The following TTC14 variants were observed in gnomAD, a reference collection of about 807,000 sequenced individuals.
TTC14 encodes tetratricopeptide repeat protein 14.
TTC14 carries 63 observed loss-of-function variants against 79.9 expected under a neutral mutation model. That is an observed-to-expected ratio of 0.79 (90% CI 0.64 to 0.97). The LOEUF is 0.97. Ranked by LOEUF, TTC14 falls within the 50% of genes least tolerant of loss-of-function variation. TTC14 has a pLI of 0.00. For missense variants in TTC14, 895 were observed against 894.0 expected (o/e 1.00, Z -0.01); for synonymous variants, 335 against 309.6 (o/e 1.08, Z -0.86).
chr3:180,607,561 C>A, intron 9 of TTC14, 87 bp from the exon 10 acceptor site: 1 of 1,404,374 alleles, frequency 7.1e-7, no homozygotes, highest in Non-Finnish European at 9.3e-7. Flanking sequence ...CCCTAATAAG[C>A]TCTCTCATAT....
downstream of TTC14, among the ~76,000 whole-genome samples, chr3:180,611,792 G>A (rs988832547): frequency 3.3e-5 from 5 of 152,080 alleles, no homozygotes; most frequent in Non-Finnish European, 7.4e-5. Flanking sequence ...TAAGTGGGTG[G>A]GTAGCTGAGG....
In TTC14 at chr3:180,605,847, C is replaced by A; in HGVS notation, c.929+10C>A. The A allele has an allele frequency of 6.3e-7, 1 of 1,575,266 alleles. No individual in the cohort carries two copies. Among genetic ancestry groups the A allele is most frequent in the Non-Finnish European group, 8.6e-7 (1 of 1,169,568 alleles). On this transcript the variant is annotated intron_variant, in intron 7 of 11. Transcript: ENST00000296015. The stretch of plus-strand genomic sequence containing the variant: ...CTTGGGCTTTAAAATGGTATGAAGA[C>A]TGTCTTTCAACAATTGCATTATATC...
intron 3 of TTC14, 176 bp from the exon 4 acceptor site, chr3:180,604,049 A>C: frequency 1.6e-6 from 1 of 628,756 alleles, no homozygotes; most frequent in African/African-American, 1.8e-5. Flanking sequence ...CTGAACCAGC[A>C]AACATATTTT....
At chr3:180,614,852 G>T, downstream of TTC14, 1 of 1,382,232 alleles carries the variant, frequency 7.2e-7, no homozygotes, top group Non-Finnish European at 9.9e-7. Context: ...AAATGTGTTG[G>T]GTCGTTTTGT....
chr3:180,612,943 C>T (rs1717084593), downstream of TTC14, among the ~76,000 whole-genome samples: 1 of 151,948 alleles, frequency 6.6e-6, no homozygotes, highest in South Asian at 2.1e-4. Context: ...AGGTATTTTT[C>T]AAAAGAAGAG....
Position 180,610,757 on chromosome 3 carries a change from A to G in TTC14, c.*215A>G. 2.5e-6 allele frequency: 3 copies of G among 1,222,184 alleles called. No homozygotes were observed. In the South Asian group the frequency reaches 6.2e-5, roughly 25 times the overall value. The allele number at this position is 1,222,184 out of a possible 1,614,324, so 75.7% of individuals were successfully genotyped here. A position where few individuals can be genotyped will look rare whatever the true frequency, so the allele number is the denominator to read the frequency against. On this transcript the variant is annotated 3_prime_UTR_variant, in exon 12 of 12. Transcript: ENST00000296015. ...TTTTAGACTTTTTATGTATATGTTT[A>G]TGTACAGTATATTACTCTTGACAGT...
chr3:180,612,189 T>G (rs1324884849), downstream of TTC14, among the ~76,000 whole-genome samples: 1 of 152,238 alleles, frequency 6.6e-6, no homozygotes. Flanking sequence ...AAACTACTTC[T>G]TGGCATACAT....
At position 180,610,461 on chromosome 3, in the gene TTC14, AAATTTACCTCAG is replaced by A. The variant is rs748652834; in HGVS notation, c.2240_2251del (p.Pro747_Leu750del). 1.2e-6 allele frequency: 2 copies of A among 1,608,722 alleles called. No individual in the cohort carries two copies. The highest frequency in any genetic ancestry group is 2.2e-5 in the South Asian group (2 of 89,192). On this transcript the variant is annotated inframe_deletion, in exon 12 of 12. Transcript: ENST00000296015. Reference sequence around the variant, plus strand: ...AACACTCAGAAAGCAGTGTTAAGAAAAATTTACCTCAGAATTTACTGAATATATTTAATCAGA... The same window carrying A: ...AACACTCAGAAAGCAGTGTTAAGAAAAATTTACTGAATATATTTAATCAGA...
At position 180,607,725 on chromosome 3, in the gene TTC14, A is replaced by C; in HGVS notation, c.1250A>C (p.Asp417Ala). The part of the protein sequence containing the change: ...KALALDETFK[D>A]AEDALQKLHK... ...TTGGCTTTGGATGAGACTTTTAAAGATGCAGAGGATGCTTTGCAGAAACTT... is the reference window on the plus strand; with the variant it reads ...TTGGCTTTGGATGAGACTTTTAAAGCTGCAGAGGATGCTTTGCAGAAACTT... The change falls in exon 10 of 12, where the codon GAT (aspartate) becomes GCT (alanine). Residue 417 changes from aspartate (D) to alanine (A), a missense_variant. Asp to Ala is a moderately radical substitution (Grantham distance 126, BLOSUM62 -2). Coordinates refer to ENST00000296015, the MANE Select transcript of TTC14 (RefSeq NM_133462.4). The C allele has an allele frequency of 1.2e-6, 2 of 1,612,236 alleles. No individual in the cohort carries two copies. Among genetic ancestry groups the C allele is most frequent in the South Asian group, 2.2e-5 (2 of 90,552 alleles).
At position 180,610,379 on chromosome 3, in the gene TTC14, A is replaced by G. The variant is rs1288725523; in HGVS notation, c.2150A>G (p.Asn717Ser). 14 of 1,613,928 alleles carry G rather than the reference A, an allele frequency of 8.7e-6. No individual in the cohort carries two copies. The highest frequency in any genetic ancestry group is 6.6e-5 in the South Asian group (6 of 91,028). Residue 717 changes from asparagine to serine, a missense_variant, in exon 12 of 12, where the codon AAT becomes AGT. By Grantham distance (46) the Asn-to-Ser change is conservative. Coordinates refer to ENST00000296015, the MANE Select transcript of TTC14 (RefSeq NM_133462.4). ...TNQGEYERED[N>S]YGEDIKTEVP... ...CAAGGAGAATATGAAAGAGAGGACA[A>G]TTATGGGGAGGATATCAAAACAGAG...
At position 180,610,912 on chromosome 3, in the gene TTC14, C is replaced by A; in HGVS notation, c.*370C>A. On this transcript the variant is annotated 3_prime_UTR_variant, in exon 12 of 12. Coordinates refer to ENST00000296015, the MANE Select transcript of TTC14 (RefSeq NM_133462.4). Reference sequence around the variant, plus strand: ...AAATTTGTGCATTGAACACTTGGATCATTTTTATAAAAATTAATTTCATTT... The same window carrying A: ...AAATTTGTGCATTGAACACTTGGATAATTTTTATAAAAATTAATTTCATTT... The A allele has an allele frequency of 1.0e-6, 1 of 984,544 alleles. No individual in the cohort carries two copies. Among genetic ancestry groups the A allele is most frequent in the African/African-American group, 1.7e-5 (1 of 57,316 alleles). 61.0% of individuals were successfully genotyped at this position (984,544 alleles called of 1,614,324 possible). A position where few individuals can be genotyped will look rare whatever the true frequency, so the allele number is the denominator to read the frequency against.
intron 1 of TTC14, 145 bp from the exon 2 acceptor site, chr3:180,602,746 G>A (rs1277188601): frequency 1.0e-6 from 1 of 973,916 alleles, no homozygotes; most frequent in Non-Finnish European, 1.5e-6. Flanking sequence ...ATGAGGGAAT[G>A]CCTAGTTAAA....
Position 180,609,713 on chromosome 3 carries a change from C to T in TTC14, c.1484C>T (p.Ser495Phe), listed in dbSNP as rs118079716. The T allele has an allele frequency of 1.0e-3, 1,628 of 1,613,120 alleles. 17 individuals are homozygous for T. In the East Asian group the frequency reaches 0.029, roughly 29 times the overall value. Reference sequence around the variant, plus strand: ...TCAGTGTCTTCATCATCATCCTCTTCCTCTTCTGGTCACAAAAGGCATAAG... The same window carrying T: ...TCAGTGTCTTCATCATCATCCTCTTTCTCTTCTGGTCACAAAAGGCATAAG... The part of the protein sequence containing the change: ...DESVSSSSSS[S>F]SSGHKRHKKH... Residue 495 changes from serine (S) to phenylalanine (F), a missense_variant, in exon 12 of 12, where the codon TCC becomes TTC. Physicochemically the swap from Ser to Phe is radical, Grantham distance 155. Coordinates refer to ENST00000296015, the MANE Select transcript of TTC14 (RefSeq NM_133462.4).
In TTC14 at chr3:180,610,332, A is replaced by T. The variant is rs761723511; in HGVS notation, c.2103A>T (p.Gln701His). Residue 701 changes from glutamine (Q) to histidine (H), a missense_variant, in exon 12 of 12, where the codon CAA becomes CAT. Coordinates refer to ENST00000296015, the MANE Select transcript of TTC14 (RefSeq NM_133462.4). ...CACGTGATTTCAGTAGACATGAGCA[A>T]AGATACCGTTTAAATACAAATCAAG... ...SGSRDFSRHE[Q>H]RYRLNTNQGE... 6.2e-7 allele frequency: 1 copy of T among 1,613,214 alleles called. No individual in the cohort carries two copies. The highest frequency in any genetic ancestry group is 8.5e-7 in the Non-Finnish European group (1 of 1,179,726).
intron 11 of TTC14, chr3:180,609,419 A>T: frequency 8.0e-7 from 1 of 1,248,250 alleles, no homozygotes; most frequent in Non-Finnish European, 1.0e-6. Context: ...GAGATGATGG[A>T]TTTGCTTACA....
intron 12 of TTC14, chr3:180,616,719 A>G: frequency 6.3e-7 from 1 of 1,579,024 alleles, no homozygotes. Flanking sequence ...ATAGTCAATT[A>G]TTCTATAAAC....
At chr3:180,606,799 C>G (rs759584140) in intron 9 of TTC14, among the ~76,000 whole-genome samples, 196 bp downstream of exon 9, 5 of 152,162 alleles carry the variant, frequency 3.3e-5, no homozygotes, top group Non-Finnish European at 7.4e-5. Flanking sequence ...GGTTTAATGA[C>G]TATACTATTT....
downstream of TTC14, chr3:180,615,009 G>T: frequency 6.4e-7 from 1 of 1,561,172 alleles, no homozygotes; most frequent in Non-Finnish European, 8.7e-7. Flanking sequence ...TGAAGAGGAG[G>T]CCGGGAATTT....
At chr3:180,616,997 A>G in intron 12 of TTC14, 1 of 1,160,476 alleles carries the variant, frequency 8.6e-7, no homozygotes, top group Non-Finnish European at 1.2e-6. Context: ...TGTATTTTTT[A>G]GAATCAGAAA....
Sources: allele counts gnomAD v4.1 joint callset (sites outside exome capture counted in the v4.1 genomes callset), GRCh38; gene constraint gnomAD v4.1.1; transcripts MANE v1.5; gene names NCBI Gene and HGNC (gene_info 2026-07-23, HGNC 2026-07-21).